Variants in GRID2 observed in about 807,000 individuals in gnomAD.
GRID2 encodes glutamate receptor ionotropic, delta-2.
In GRID2, 33 loss-of-function variants were observed where a neutral mutation model predicts 114.8. That is an observed-to-expected ratio of 0.29 (90% CI 0.22 to 0.38). GRID2 has a LOEUF of 0.38. Among genes scored for constraint, GRID2 ranks in the 10% least tolerant of loss-of-function variants. GRID2 has a pLI of 1.00. For synonymous variants in GRID2, 505 were observed against 449.9 expected (o/e 1.12, Z -1.55); for missense variants, 1,184 against 1,257.7 (o/e 0.94, Z 0.89).
intron 2 of GRID2, among the ~76,000 whole-genome samples, chr4:92,990,198 CTGTGTG>C (rs3970985): frequency 0.27 from 33,198 of 123,934 alleles, 4,744 homozygotes; most frequent in Non-Finnish European, 0.32. Flanking sequence ...TTAACATTTT[CTGTGTG>C]TGTGTGTGTG....
chr4:93,113,983 G>A (rs535660113), intron 4 of GRID2, among the ~76,000 whole-genome samples: 6 of 152,102 alleles, frequency 3.9e-5, no homozygotes, highest in African/African-American at 9.7e-5. Flanking sequence ...GTTTGGTGAC[G>A]AAAGTAAGGG....
At chr4:93,398,206 T>A (rs1392952188) in intron 9 of GRID2, among the ~76,000 whole-genome samples, 2 of 149,076 alleles carry the variant, frequency 1.3e-5, no homozygotes, top group African/African-American at 5.0e-5. Context: ...TGAATTTGAA[T>A]CCTAACTCTG....
At chr4:92,671,037 A>T (rs546374683) in intron 2 of GRID2, among the ~76,000 whole-genome samples, 23 of 152,276 alleles carry the variant, frequency 1.5e-4, no homozygotes, top group African/African-American at 4.3e-4. Context: ...TCACATTGCT[A>T]TAAAGAACTA....
intron 2 of GRID2, among the ~76,000 whole-genome samples, chr4:92,730,240 A>G (rs1736269716): frequency 6.6e-6 from 1 of 151,964 alleles, no homozygotes. Flanking sequence ...TCTATTGATT[A>G]TAAGCATAAA....
chr4:93,446,633 AC>A (rs762921361), intron 10 of GRID2, among the ~76,000 whole-genome samples: 9 of 152,064 alleles, frequency 5.9e-5, no homozygotes, highest in Non-Finnish European at 2.9e-5. Context: ...CCAAGGGGGC[AC>A]TGTCTCTCAA....
At chr4:93,389,787 T>G (rs1764667790) in intron 8 of GRID2, among the ~76,000 whole-genome samples, 2 of 151,328 alleles carry the variant, frequency 1.3e-5, no homozygotes, top group Non-Finnish European at 3.0e-5. Flanking sequence ...CAAGTTTTTT[T>G]TTTTCTTTTT....
chr4:93,021,665 A>G lies in GRID2; in HGVS notation c.245-63330A>G, dbSNP rs946761881. 3.7e-4 allele frequency among the ~76,000 whole-genome samples: 53 copies of G among 145,018 alleles called. 1 individual carries two copies. The highest frequency in any genetic ancestry group is 1.3e-3 in the African/African-American group (52 of 40,232). ...ATAAATATAATTATTTATAATATGT[A>G]TACTATAAATATAATTATTTATAAT... On this transcript the variant is annotated intron_variant, in intron 2 of 15. Transcript: ENST00000282020.
At chr4:93,102,695 CTTG>C (rs1269476687) in intron 3 of GRID2, among the ~76,000 whole-genome samples, 1 of 151,496 alleles carries the variant, frequency 6.6e-6, no homozygotes, top group African/African-American at 2.4e-5. Flanking sequence ...AAAGTGGCAT[CTTG>C]TTGTTTGAAT....
chr4:92,403,058 G>A (rs964796280), intron 1 of GRID2, among the ~76,000 whole-genome samples: 1 of 152,120 alleles, frequency 6.6e-6, no homozygotes, highest in East Asian at 1.9e-4. Context: ...TAATGCTTAT[G>A]AACCAGCCTC....
chr4:93,590,934 A>T (rs1345288221), intron 13 of GRID2, among the ~76,000 whole-genome samples: 20 of 151,504 alleles, frequency 1.3e-4, no homozygotes, highest in Admixed American at 1.3e-3. Context: ...GAAGTTGCTT[A>T]TCAGCTTAAG....
intron 7 of GRID2, among the ~76,000 whole-genome samples, chr4:93,231,101 T>C (rs1746081386): frequency 6.6e-6 from 1 of 152,004 alleles, no homozygotes; most frequent in African/African-American, 2.4e-5. Context: ...TGAAAACCAC[T>C]CCCCTGGGGT....
chr4:92,611,203 G>A (rs986522874), intron 2 of GRID2, among the ~76,000 whole-genome samples: 2 of 151,146 alleles, frequency 1.3e-5, no homozygotes, highest in Non-Finnish European at 3.0e-5. Context: ...AAATACAACA[G>A]ACTGGGTGTC....
chr4:93,562,982 T>C (rs552841552), intron 13 of GRID2, among the ~76,000 whole-genome samples: 1 of 152,108 alleles, frequency 6.6e-6, no homozygotes, highest in African/African-American at 2.4e-5. Flanking sequence ...GGTAGCTTTA[T>C]TGTAAGCCTT....
chr4:93,425,800 C>G (rs1371681303), intron 10 of GRID2, among the ~76,000 whole-genome samples: 1 of 152,120 alleles, frequency 6.6e-6, no homozygotes, highest in African/African-American at 2.4e-5. Context: ...ACCCCATCCC[C>G]GCTGAACTGA....
At chr4:93,487,897 A>G (rs1726574622) in intron 11 of GRID2, among the ~76,000 whole-genome samples, 1 of 151,966 alleles carries the variant, frequency 6.6e-6, no homozygotes, top group Non-Finnish European at 1.5e-5. Context: ...CAAAATTGGA[A>G]GTCAAGATTC....
intron 14 of GRID2, among the ~76,000 whole-genome samples, chr4:93,739,994 T>C (rs1731236010): frequency 1.3e-5 from 2 of 152,168 alleles, no homozygotes; most frequent in South Asian, 4.1e-4. Flanking sequence ...AAGTTACCCT[T>C]GATTGAGGCT....
intron 1 of GRID2, among the ~76,000 whole-genome samples, chr4:93,787,736 A>G (rs1379038122): frequency 6.6e-6 from 1 of 152,184 alleles, no homozygotes; most frequent in African/African-American, 2.4e-5. Flanking sequence ...TCATTGAATT[A>G]CTGCTTGTTG....
intron 4 of GRID2, among the ~76,000 whole-genome samples, chr4:93,135,551 C>T (rs547631113): frequency 5.3e-5 from 8 of 152,214 alleles, no homozygotes; most frequent in African/African-American, 1.4e-4. Context: ...CTGTTTGTGT[C>T]CTTCCTCTAC....
At chr4:92,319,348 T>A (rs894359771) in intron 1 of GRID2, among the ~76,000 whole-genome samples, 3 of 152,224 alleles carry the variant, frequency 2.0e-5, no homozygotes, top group Admixed American at 1.3e-4. Context: ...AAATACCTTC[T>A]TGCAGCCAAT....
Sources: allele counts gnomAD v4.1 joint callset (sites outside exome capture counted in the v4.1 genomes callset), GRCh38; gene constraint gnomAD v4.1.1; transcripts MANE v1.5; gene names NCBI Gene and HGNC (gene_info 2026-07-23, HGNC 2026-07-21).